VPS13B: variants seen among roughly 807,000 people sequenced by gnomAD.
The protein encoded by VPS13B is vacuolar protein sorting 13 homolog B, also known as intermembrane lipid transfer protein VPS13B.
A neutral mutation model predicts 426.4 loss-of-function variants in VPS13B; 285 were observed. That is an observed-to-expected ratio of 0.67 (90% CI 0.61 to 0.74). VPS13B has a LOEUF of 0.74. Among genes scored for constraint, VPS13B ranks in the 30% least tolerant of loss-of-function variants. The pLI, the probability that VPS13B is intolerant of heterozygous loss-of-function variation, is 0.00. For missense variants in VPS13B, 4,537 were observed against 4,782.6 expected, an observed-to-expected ratio of 0.95 and a Z score of 1.51; for synonymous variants, 1,676 against 1,676.4, an observed-to-expected ratio of 1.00 and a Z score of 0.01.
chr8:99,554,572 G>GA (rs35783596), intron 30 of VPS13B, among the ~76,000 whole-genome samples: 42,213 of 151,896 alleles, frequency 0.28, 6,606 homozygotes, highest in East Asian at 0.45. Context: ...CTGACCTCAA[G>GA]AATGTGTGGT....
chr8:99,415,817 C>A (rs1234732940), intron 21 of VPS13B, among the ~76,000 whole-genome samples: 1 of 152,174 alleles, frequency 6.6e-6, no homozygotes, highest in Non-Finnish European at 1.5e-5. Context: ...CCACCAGATG[C>A]CAGCTGGAGC....
chr8:99,790,667 G>A (rs2130724337), intron 43 of VPS13B, among the ~76,000 whole-genome samples: 1 of 152,274 alleles, frequency 6.6e-6, no homozygotes, highest in Admixed American at 6.5e-5. Flanking sequence ...GAACCCAAAG[G>A]AAATGTTTCC....
At chr8:99,724,060 A>C (rs867211934) in intron 39 of VPS13B, among the ~76,000 whole-genome samples, 3 of 152,218 alleles carry the variant, frequency 2.0e-5, no homozygotes, top group Non-Finnish European at 4.4e-5. Context: ...TCATCTGTGG[A>C]AACAACTCTC....
At chr8:99,436,483 T>G (rs1396994346) in intron 22 of VPS13B, among the ~76,000 whole-genome samples, 1 of 152,190 alleles carries the variant, frequency 6.6e-6, no homozygotes, top group Non-Finnish European at 1.5e-5. Context: ...ATTTTGTGGT[T>G]CCTCAATTTG....
At chr8:99,015,759 T>C (rs1477778025) in intron 2 of VPS13B, among the ~76,000 whole-genome samples, 1 of 151,832 alleles carries the variant, frequency 6.6e-6, no homozygotes, top group Non-Finnish European at 1.5e-5. Context: ...AAAAATTAGC[T>C]GGGCTTGGTG....
At chr8:99,719,128 A>G (rs1056874763) in intron 37 of VPS13B, among the ~76,000 whole-genome samples, 1 of 152,238 alleles carries the variant, frequency 6.6e-6, no homozygotes, top group African/African-American at 2.4e-5. Context: ...TACTTTATCA[A>G]GAATATTCAT....
intron 24 of VPS13B, among the ~76,000 whole-genome samples, chr8:99,478,447 G>GTTTTTTTTTTTTTTTTT (rs56261645): frequency 5.1e-4 from 44 of 85,776 alleles, no homozygotes; most frequent in Non-Finnish European, 6.1e-4. Flanking sequence ...TTTTTGTTTT[G>GTTTTTTTTTTTTTTTTT]TTTTTTTTTT....
intron 34 of VPS13B, among the ~76,000 whole-genome samples, chr8:99,657,470 T>TGTGTGTGTGTGTGTGTG (rs60760111): frequency 0.069 from 10,168 of 146,914 alleles, 765 homozygotes; most frequent in African/African-American, 0.18. Flanking sequence ...ACTTTAAAAA[T>TGTGTGTGTGTGTGTGTG]TGTGTGTGTG....
chr8:99,275,664 T>C (rs928120213), intron 19 of VPS13B, among the ~76,000 whole-genome samples: 1 of 152,184 alleles, frequency 6.6e-6, no homozygotes, highest in Non-Finnish European at 1.5e-5. Context: ...ATGGTAGAAC[T>C]GAGAAGAAAA....
intron 61 of VPS13B, among the ~76,000 whole-genome samples, 171 bp from the exon 62 acceptor site, chr8:99,875,247 A>ATTG (rs1444850804): frequency 6.6e-6 from 1 of 152,234 alleles, no homozygotes; most frequent in Non-Finnish European, 1.5e-5. Context: ...CTAAAACTGC[A>ATTG]TTGTTATCGT....
intron 39 of VPS13B, among the ~76,000 whole-genome samples, chr8:99,732,113 C>T (rs1833630465): frequency 6.6e-6 from 1 of 152,196 alleles, no homozygotes; most frequent in Non-Finnish European, 1.5e-5. Flanking sequence ...ACTGCTGGGG[C>T]TTTTCAGCTC....
chr8:99,419,693 A>T (rs901774718), intron 21 of VPS13B, among the ~76,000 whole-genome samples: 41 of 152,218 alleles, frequency 2.7e-4, no homozygotes, highest in African/African-American at 9.6e-4. Context: ...TAAAATTTCA[A>T]ATAAAAATGA....
intron 50 of VPS13B, among the ~76,000 whole-genome samples, chr8:99,822,085 A>C (rs1307792304): frequency 6.6e-6 from 1 of 152,234 alleles, no homozygotes; most frequent in African/African-American, 2.4e-5. Context: ...CAATTAGCTG[A>C]ATAATATAAC....
In VPS13B at chr8:99,142,988, C is replaced by G. The variant is rs1554639027; in HGVS notation, c.1666C>G (p.Gln556Glu). 1 of 1,613,344 alleles carries G rather than the reference C, an allele frequency of 6.2e-7. No homozygotes were observed. Among genetic ancestry groups the G allele is most frequent in the Non-Finnish European group, 8.5e-7 (1 of 1,179,758 alleles). ...ACTTCTTTTAGGTTCCACAAATCAA[C>G]AAGACTTTTCTTCAGGGAAAAGTGA... Reference protein sequence around the residue: ...NTSGKGSTNQQDFSSGKSEDL... With the variant: ...NTSGKGSTNQEDFSSGKSEDL... The change falls in exon 13 of 62, where the codon CAA becomes GAA. Residue 556 changes from glutamine (Q) to glutamate (E), a missense_variant. Gln to Glu is a conservative substitution (Grantham distance 29). Transcript: ENST00000357162.
chr8:99,819,152 A>C (rs1427326916), intron 47 of VPS13B, among the ~76,000 whole-genome samples: 2 of 152,046 alleles, frequency 1.3e-5, no homozygotes, highest in East Asian at 3.9e-4. Flanking sequence ...CAGAACTTTT[A>C]ATTTAATTTA....
intron 44 of VPS13B, among the ~76,000 whole-genome samples, chr8:99,814,789 A>G (rs758023175): frequency 2.0e-5 from 3 of 152,200 alleles, no homozygotes; most frequent in Non-Finnish European, 4.4e-5. Context: ...AGGAAAGGAG[A>G]GAACAGCTAT....
At chr8:99,549,949 G>C (rs1359803816) in intron 30 of VPS13B, among the ~76,000 whole-genome samples, 1 of 152,030 alleles carries the variant, frequency 6.6e-6, no homozygotes, top group Non-Finnish European at 1.5e-5. Context: ...TCTGGGTCAG[G>C]TGTCCCTTCT....
At chr8:99,674,269 A>G (rs1275920384) in intron 35 of VPS13B, among the ~76,000 whole-genome samples, 3 of 152,056 alleles carry the variant, frequency 2.0e-5, no homozygotes, top group African/African-American at 4.8e-5. Flanking sequence ...TAGATGCTGC[A>G]GTGTTAGGTA....
chr8:99,666,080 A>G (rs1025306366), intron 35 of VPS13B, among the ~76,000 whole-genome samples: 2 of 152,174 alleles, frequency 1.3e-5, no homozygotes, highest in African/African-American at 2.4e-5. Flanking sequence ...CTTTGAAGCA[A>G]TTGTGAATGG....
Sources: gnomAD v4.1 joint callset for allele counts (sites outside exome capture counted in the v4.1 genomes callset) on GRCh38, gnomAD v4.1.1 for gene constraint, MANE v1.5 for transcripts, NCBI Gene and HGNC (gene_info 2026-07-23, HGNC 2026-07-21) for gene names.